The following DLD variants were observed in gnomAD, a reference collection of about 807,000 sequenced individuals.
DLD encodes the protein dihydrolipoamide dehydrogenase.
A neutral mutation model predicts 62.2 loss-of-function variants in DLD; 36 were observed. The ratio of observed to expected loss-of-function variants is 0.58; its 90% CI spans 0.44 to 0.76. The LOEUF (loss-of-function observed/expected upper bound fraction) is 0.76. DLD is among the 30% of genes least tolerant of loss of function. The probability of loss-of-function intolerance (pLI) is 0.00; values close to 1 mark genes in which losing one functional copy is unlikely to be tolerated. For missense variants in DLD, 541 were observed against 608.6 expected, an observed-to-expected ratio of 0.89 and a Z score of 1.17; for synonymous variants, 204 against 199.6, an observed-to-expected ratio of 1.02 and a Z score of -0.19.
At chr7:107,904,893 GA>G (rs781512241) in intron 5 of DLD, 64 bp from the exon 6 acceptor site, 2 of 1,239,718 alleles carry the variant, frequency 1.6e-6, no homozygotes, top group South Asian at 2.5e-5. Context: ...GTTGGTGAGT[GA>G]AAAACACTGC....
At chr7:107,908,410 A>G (rs1028259996) in intron 8 of DLD, among the ~76,000 whole-genome samples, 1 of 151,946 alleles carries the variant, frequency 6.6e-6, no homozygotes. Context: ...GTTCATGTCT[A>G]TAATCCCAGC....
In DLD at chr7:107,920,045, T is replaced by C. The variant is rs552302446; in HGVS notation, c.*786T>C. On this transcript the variant is annotated 3_prime_UTR_variant, in exon 14 of 14. Transcript: ENST00000205402. ...CTTCTAGTGTATATTCTAATTTCTT[T>C]TCTAGGCCTGAATGTATCTTTATTT... The C allele has an allele frequency of 1.3e-5, 2 of 152,448 alleles. No homozygotes were observed. Among genetic ancestry groups the C allele is most frequent in the East Asian group, 3.8e-4 (2 of 5,326 alleles). 9.4% of individuals were successfully genotyped at this position (152,448 alleles called of 1,614,324 possible).
chr7:107,915,745 CA>C (rs1195028053), intron 9 of DLD, 49 bp downstream of exon 9: 2 of 1,527,266 alleles, frequency 1.3e-6, no homozygotes, highest in Non-Finnish European at 1.8e-6. Flanking sequence ...TCTCTTTAAG[CA>C]AAACACTCAA....
At chr7:107,894,655 G>A (rs778693001) in intron 2 of DLD, among the ~76,000 whole-genome samples, 21 of 152,104 alleles carry the variant, frequency 1.4e-4, no homozygotes, top group Non-Finnish European at 3.1e-4. Flanking sequence ...TATACCTTTG[G>A]CATCACTCAG....
rs555589405 is a variant in DLD at position 107,891,203 on chromosome 7, G to C, written c.-48G>C. The C allele has an allele frequency of 1.2e-6, 2 of 1,611,838 alleles. No individual in the cohort carries two copies. The highest frequency in any genetic ancestry group is 2.2e-5 in the South Asian group (2 of 90,958). On this transcript the variant is annotated 5_prime_UTR_variant, in exon 1 of 14. Transcript: ENST00000205402. ...GAGACCTTGGCGGAGCGGCGGAGGC[G>C]CCCAGCGGAGGTGAAAGTATTGGCG...
At chr7:107,917,591 T>C (rs1215587907) in intron 11 of DLD, 129 bp downstream of exon 11, 2 of 1,014,812 alleles carry the variant, frequency 2.0e-6, no homozygotes, top group African/African-American at 3.2e-5. Context: ...AGCTTATATA[T>C]TTTTCCCTTG....
intron 1 of DLD, among the ~76,000 whole-genome samples, chr7:107,892,439 T>C (rs1236091686): frequency 6.6e-6 from 1 of 152,222 alleles, no homozygotes; most frequent in Non-Finnish European, 1.5e-5. Flanking sequence ...GGACTGTATA[T>C]ACACGCTAGC....
intron 8 of DLD, among the ~76,000 whole-genome samples, chr7:107,909,664 C>T (rs2032091336): frequency 6.6e-6 from 1 of 152,036 alleles, no homozygotes; most frequent in Non-Finnish European, 1.5e-5. Flanking sequence ...GTGAAACCAG[C>T]TGATTAATAA....
intron 8 of DLD, 59 bp from the exon 9 acceptor site, chr7:107,915,447 T>C: frequency 6.5e-7 from 1 of 1,545,532 alleles, no homozygotes; most frequent in Non-Finnish European, 8.9e-7. Context: ...TAAGATGATT[T>C]CGTAAACATT....
intron 8 of DLD, among the ~76,000 whole-genome samples, chr7:107,909,810 T>G (rs1046911602): frequency 8.6e-5 from 13 of 151,494 alleles, no homozygotes; most frequent in African/African-American, 2.9e-4. Context: ...TGTTTTGTCA[T>G]ACTCTAATTG....
At chr7:107,899,130 A>G (rs2031811632) in intron 2 of DLD, among the ~76,000 whole-genome samples, 1 of 152,040 alleles carries the variant, frequency 6.6e-6, no homozygotes, top group Non-Finnish European at 1.5e-5. Context: ...ATATGTGCTC[A>G]TTCGTTTATC....
Position 107,891,475 on chromosome 7 carries a change from C to T in DLD, c.39+186C>T, listed in dbSNP as rs1026111435. The T allele has an allele frequency of 3.7e-5, 25 of 683,264 alleles. No individual in the cohort carries two copies. The African/African-American group carries it at 3.9e-4, about 11-fold the overall frequency. The allele number at this position is 683,264 out of a possible 1,614,324, so 42.3% of individuals were successfully genotyped here. A position where few individuals can be genotyped will look rare whatever the true frequency, so the allele number is the denominator to read the frequency against. ...TCCGAGGTGGCCGCTCATCCTGCAG[C>T]AGGCGAGGGACGGGGCTGGGCCCAG... On this transcript the variant is annotated intron_variant, in intron 1 of 13. Coordinates refer to ENST00000205402, the MANE Select transcript of DLD (RefSeq NM_000108.5).
intron 8 of DLD, among the ~76,000 whole-genome samples, chr7:107,907,842 A>G (rs1374999573): frequency 3.3e-5 from 5 of 152,196 alleles, no homozygotes; most frequent in South Asian, 2.1e-4. Flanking sequence ...CTTTTCCTTC[A>G]AAACCCAGCT....
chr7:107,916,752 T>C, intron 9 of DLD, 42 bp from the exon 10 acceptor site: 1 of 1,567,622 alleles, frequency 6.4e-7, no homozygotes, highest in Non-Finnish European at 8.8e-7. Flanking sequence ...TATCAATTTA[T>C]GTAGGTGTGT....
rs2032292232 is a variant in DLD at position 107,917,259 on chromosome 7, G to A, written c.1047-14G>A. On this transcript the variant is annotated splice_polypyrimidine_tract_variant and intron_variant, in intron 10 of 13. Coordinates refer to ENST00000205402, the MANE Select transcript of DLD (RefSeq NM_000108.5). ...TTCAGAAATTCATTGTGTTTCTTTTGATTTCTGTGGTAGTATCTATGCCAT... is the reference window on the plus strand; with the variant it reads ...TTCAGAAATTCATTGTGTTTCTTTTAATTTCTGTGGTAGTATCTATGCCAT... 1 of 1,613,704 alleles carries A rather than the reference G, an allele frequency of 6.2e-7. No homozygotes were observed. Among genetic ancestry groups the A allele is most frequent in the East Asian group, 2.2e-5 (1 of 44,868 alleles).
chr7:107,910,106 C>T (rs1412136520), intron 8 of DLD, among the ~76,000 whole-genome samples: 1 of 152,046 alleles, frequency 6.6e-6, no homozygotes, highest in Non-Finnish European at 1.5e-5. Flanking sequence ...CCGTCTGCCT[C>T]GGCCTCCCAA....
intron 5 of DLD, among the ~76,000 whole-genome samples, chr7:107,904,233 C>T (rs2031948465): frequency 6.6e-6 from 1 of 152,128 alleles, no homozygotes; most frequent in Admixed American, 6.5e-5. Flanking sequence ...AATAGAATAT[C>T]ATACTAGTTG....
intron 2 of DLD, among the ~76,000 whole-genome samples, chr7:107,898,158 C>A (rs2031777200): frequency 6.6e-6 from 1 of 151,922 alleles, no homozygotes; most frequent in Non-Finnish European, 1.5e-5. Flanking sequence ...ATCTAAAGGA[C>A]CTTGTTTGAA....
chr7:107,903,202 C>A (rs1449482257), intron 4 of DLD, among the ~76,000 whole-genome samples: 1 of 152,118 alleles, frequency 6.6e-6, no homozygotes, highest in East Asian at 1.9e-4. Flanking sequence ...AGTTTGGGAC[C>A]AGCCTGACCA....
Sources: allele counts gnomAD v4.1 joint callset (sites outside exome capture counted in the v4.1 genomes callset), GRCh38; gene constraint gnomAD v4.1.1; transcripts MANE v1.5; gene names NCBI Gene and HGNC (gene_info 2026-07-23, HGNC 2026-07-21).